The following SHISA9 variants were observed in gnomAD, a reference collection of about 807,000 sequenced individuals.
SHISA9 encodes shisa family member 9, also known as protein shisa-9.
In SHISA9, 13 loss-of-function variants were observed where a neutral mutation model predicts 38.0. That is an observed-to-expected ratio of 0.34 (90% CI 0.22 to 0.54). The LOEUF is 0.54. Among genes scored for constraint, SHISA9 ranks in the 20% least tolerant of loss-of-function variants. The probability of loss-of-function intolerance (pLI) is 0.91; values close to 1 mark genes in which losing one functional copy is unlikely to be tolerated. For synonymous variants in SHISA9, 275 were observed against 242.0 expected (o/e 1.14, Z -1.27); for missense variants, 538 against 575.8 (o/e 0.93, Z 0.67).
intron 2 of SHISA9, among the ~76,000 whole-genome samples, chr16:13,113,517 T>C (rs767338121): frequency 3.9e-5 from 6 of 152,218 alleles, no homozygotes; most frequent in Non-Finnish European, 5.9e-5. Context: ...TCTGAATTAA[T>C]TGGCAGCCTT....
chr16:12,916,326 A>G lies in SHISA9; in HGVS notation c.564-362A>G, dbSNP rs143592472. 7.1e-3 allele frequency among the ~76,000 whole-genome samples: 1,084 copies of G among 152,286 alleles called. 1 individual carries two copies. The highest frequency in any genetic ancestry group is 0.035 in the South Asian group (170 of 4,826). On this transcript the variant is annotated intron_variant, in intron 1 of 4. Coordinates refer to ENST00000558583, the MANE Select transcript of SHISA9 (RefSeq NM_001145204.3). ...TATCTACTGTTACTAATACTGGGCCATTGCTGTACATGAAGAGTTTGTATC... is the reference window on the plus strand; with the variant it reads ...TATCTACTGTTACTAATACTGGGCCGTTGCTGTACATGAAGAGTTTGTATC...
At chr16:13,052,400 G>A (rs2073262959) in intron 2 of SHISA9, among the ~76,000 whole-genome samples, 1 of 152,162 alleles carries the variant, frequency 6.6e-6, no homozygotes. Flanking sequence ...AGGGAGCAAA[G>A]CAATGAGGCC....
intron 1 of SHISA9, among the ~76,000 whole-genome samples, chr16:12,913,041 C>T (rs1435002950): frequency 1.3e-5 from 2 of 149,498 alleles, no homozygotes; most frequent in East Asian, 3.9e-4. Context: ...GAATCTCTCC[C>T]TCCTTTCTAT....
intron 2 of SHISA9, among the ~76,000 whole-genome samples, chr16:13,125,028 A>T (rs1329510917): frequency 6.6e-6 from 1 of 152,194 alleles, no homozygotes; most frequent in Non-Finnish European, 1.5e-5. Context: ...CAAAAACATG[A>T]GACACAATCT....
chr16:13,552,680 G>C, the SHISA9 span, among the ~76,000 whole-genome samples: 7 of 152,228 alleles, frequency 4.6e-5, no homozygotes, highest in African/African-American at 1.2e-4. Context: ...CCGGCCCAGG[G>C]GGTGGTGGAG....
At chr16:13,083,176 T>G (rs2073672480) in intron 2 of SHISA9, among the ~76,000 whole-genome samples, 1 of 152,128 alleles carries the variant, frequency 6.6e-6, no homozygotes, top group East Asian at 1.9e-4. Flanking sequence ...AGACACTATT[T>G]CTCCTTCTCT....
the SHISA9 span, among the ~76,000 whole-genome samples, chr16:13,259,366 G>A: frequency 6.6e-6 from 1 of 152,194 alleles, no homozygotes; most frequent in African/African-American, 2.4e-5. Flanking sequence ...CTGATGTTGA[G>A]TGTCTGTGGC....
chr16:13,152,774 C>T (rs2050510835), intron 2 of SHISA9, among the ~76,000 whole-genome samples: 1 of 152,056 alleles, frequency 6.6e-6, no homozygotes, highest in Non-Finnish European at 1.5e-5. Flanking sequence ...TTGTGGTAGA[C>T]AGAATAATGG....
intron 2 of SHISA9, among the ~76,000 whole-genome samples, chr16:13,098,154 C>G (rs1389258390): frequency 6.6e-6 from 1 of 152,146 alleles, no homozygotes; most frequent in Non-Finnish European, 1.5e-5. Flanking sequence ...AGTACCTGCT[C>G]TTAATGTTGA....
chr16:13,116,477 T>G (rs1475375956), intron 2 of SHISA9, among the ~76,000 whole-genome samples: 1 of 152,146 alleles, frequency 6.6e-6, no homozygotes, highest in African/African-American at 2.4e-5. Context: ...GAAAGTGATT[T>G]GAGAAGGTGC....
intron 2 of SHISA9, among the ~76,000 whole-genome samples, chr16:13,136,468 G>A (rs947786648): frequency 1.2e-4 from 16 of 130,182 alleles, no homozygotes; most frequent in Non-Finnish European, 1.5e-5. Flanking sequence ...GTGTAATCTC[G>A]ACTCACTGCA....
At position 13,186,975 on chromosome 16, in the gene SHISA9, G is replaced by A. The variant is rs1049954635; in HGVS notation, c.692-16419G>A. On this transcript the variant is annotated intron_variant, in intron 2 of 4. Coordinates refer to ENST00000558583, the MANE Select transcript of SHISA9 (RefSeq NM_001145204.3). The stretch of plus-strand genomic sequence containing the variant: ...CATTTTGTTTATCCATTCATCTGTC[G>A]ATGGACACGTGGGTTGCTACCACCT... Among the ~76,000 whole-genome samples, 5 of 152,268 alleles carry A rather than the reference G, an allele frequency of 3.3e-5. No individual in the cohort carries two copies. The Middle Eastern group carries it at 0.01, about 311-fold the overall frequency.
the SHISA9 span, among the ~76,000 whole-genome samples, chr16:13,329,385 C>T: frequency 6.6e-6 from 1 of 152,282 alleles, no homozygotes; most frequent in Admixed American, 6.5e-5. Context: ...ACGATGAACC[C>T]TGGGTATTTA....
At chr16:13,350,445 C>T in the SHISA9 span, 1 of 152,252 alleles carries the variant, frequency 6.6e-6, no homozygotes, top group Non-Finnish European at 1.5e-5. Context: ...CTTAACAAAT[C>T]ACTTCTCATA....
the SHISA9 span, among the ~76,000 whole-genome samples, chr16:13,463,787 C>T: frequency 1.3e-5 from 2 of 152,182 alleles, no homozygotes; most frequent in Non-Finnish European, 2.9e-5. Context: ...AATTGATTCC[C>T]GTGTCACATC....
chr16:13,468,878 T>G, the SHISA9 span, among the ~76,000 whole-genome samples: 4 of 151,966 alleles, frequency 2.6e-5, no homozygotes, highest in Admixed American at 1.3e-4. Context: ...GCATTATATA[T>G]TGCTTTTTAT....
chr16:13,270,639 C>T, the SHISA9 span, among the ~76,000 whole-genome samples: 1 of 152,114 alleles, frequency 6.6e-6, no homozygotes, highest in South Asian at 2.1e-4. Flanking sequence ...GCTGGATCTA[C>T]AATTATTGGT....
At chr16:12,998,409 T>C (rs1488960465) in intron 2 of SHISA9, among the ~76,000 whole-genome samples, 1 of 152,234 alleles carries the variant, frequency 6.6e-6, no homozygotes, top group African/African-American at 2.4e-5. Flanking sequence ...CCCAGCCTCC[T>C]TTTGGTATGT....
chr16:13,487,514 G>T, the SHISA9 span, among the ~76,000 whole-genome samples: 2 of 152,188 alleles, frequency 1.3e-5, no homozygotes. Context: ...CTCAGACAGA[G>T]AACTCATTTA....
Sources: gnomAD v4.1 joint callset for allele counts (sites outside exome capture counted in the v4.1 genomes callset) on GRCh38, gnomAD v4.1.1 for gene constraint, MANE v1.5 for transcripts, NCBI Gene and HGNC (gene_info 2026-07-23, HGNC 2026-07-21) for gene names.